The following MAK variants were observed in gnomAD, a reference collection of about 807,000 sequenced individuals.
The protein encoded by MAK is male germ cell associated kinase.
Under a neutral mutation model 82.6 loss-of-function variants are expected in MAK, and 65 were observed. The observed-to-expected ratio is 0.79, with a 90% confidence interval of 0.64 to 0.97. The LOEUF (loss-of-function observed/expected upper bound fraction) is 0.97, where lower values mean the gene tolerates loss of function less well. Ranked by LOEUF, MAK falls within the 50% of genes least tolerant of loss-of-function variation. MAK has a pLI of 0.00. For synonymous variants in MAK, 250 were observed against 274.2 expected (o/e 0.91, Z 0.87); for missense variants, 703 against 780.2 (o/e 0.90, Z 1.18).
intron 8 of MAK, chr6:10,797,550 T>C (rs1455898454): frequency 1.1e-5 from 11 of 976,680 alleles, no homozygotes; most frequent in Non-Finnish European, 1.2e-5. Context: ...CGAAAAAATA[T>C]TCTACAGAAT....
At chr6:10,815,859 A>C (rs1193353714) in intron 4 of MAK, among the ~76,000 whole-genome samples, 2 of 148,532 alleles carry the variant, frequency 1.3e-5, no homozygotes, top group African/African-American at 2.5e-5. Flanking sequence ...ACATTTCAGG[A>C]CTTCAATAGC....
intron 12 of MAK, among the ~76,000 whole-genome samples, chr6:10,773,769 G>A (rs898017759): frequency 2.7e-5 from 4 of 147,292 alleles, no homozygotes; most frequent in African/African-American, 1.0e-4. Flanking sequence ...TCGGCTCACT[G>A]CAACCTCCAC....
At chr6:10,798,315 A>G (rs972933986) in intron 8 of MAK, among the ~76,000 whole-genome samples, 5 of 151,914 alleles carry the variant, frequency 3.3e-5, no homozygotes, top group Admixed American at 6.6e-5. Flanking sequence ...GGGTTTCACC[A>G]TGTTGGTCAG....
intron 4 of MAK, among the ~76,000 whole-genome samples, chr6:10,817,189 AAATTATTTCT>A (rs1334900369): frequency 6.6e-6 from 1 of 151,912 alleles, no homozygotes; most frequent in African/African-American, 2.4e-5. Flanking sequence ...TTACTTCGGA[AAATTATTTCT>A]AAGTATTTCA....
intron 5 of MAK, among the ~76,000 whole-genome samples, chr6:10,813,255 T>A (rs1453236862): frequency 7.0e-6 from 1 of 143,098 alleles, no homozygotes; most frequent in Non-Finnish European, 1.5e-5. Context: ...TTCAAGCAAT[T>A]CTCCTGCCTC....
intron 14 of MAK, among the ~76,000 whole-genome samples, chr6:10,765,440 ATTTTTTTTTTTTTTTTTTT>A (rs200536068): frequency 0.029 from 3,726 of 130,568 alleles, 188 homozygotes; most frequent in African/African-American, 0.1. Context: ...TAGAATGAAG[ATTTTTTTTTTTTTTTTTTT>A]TTTTTTTTTT....
chr6:10,773,242 T>C (rs2127516174), intron 12 of MAK, 134 bp from the exon 13 acceptor site: 1 of 519,222 alleles, frequency 1.9e-6, no homozygotes, highest in Non-Finnish European at 3.4e-6. Flanking sequence ...GTCCCCATTG[T>C]TGTCACAGCA....
chr6:10,784,662 T>TCGCCCACCCACTGCACATCG, intron 10 of MAK, 90 bp from the exon 11 acceptor site: 1 of 1,180,298 alleles, frequency 8.5e-7, no homozygotes, highest in African/African-American at 1.5e-5. Context: ...TCTGCACATC[T>TCGCCCACCCACTGCACATCG]TCCTAAGCCA....
Position 10,802,053 on chromosome 6 carries a change from A to C in MAK, c.670T>G (p.Trp224Gly), listed in dbSNP as rs1776055416. The C allele has an allele frequency of 6.2e-7, 1 of 1,613,936 alleles. No homozygotes were observed. The highest frequency in any genetic ancestry group is 2.2e-5 in the East Asian group (1 of 44,880). Residue 224 changes from tryptophan to glycine, a missense_variant, in exon 8 of 15, where the codon TGG becomes GGG. Coordinates refer to ENST00000354489, the MANE Select transcript of MAK (RefSeq NM_001242957.3). The stretch of plus-strand genomic sequence containing the variant: ...GATGCCAGCTGGTATCCTTCTGGCC[A>C]GTCACTCTGTTTCAGGAATATATAA... Reference protein sequence around the residue: ...QVLGTPKKSDWPEGYQLASSM... With the variant: ...QVLGTPKKSDGPEGYQLASSM...
intron 11 of MAK, among the ~76,000 whole-genome samples, chr6:10,783,223 A>G (rs1224604124): frequency 1.3e-5 from 2 of 152,214 alleles, no homozygotes; most frequent in Admixed American, 1.3e-4. Flanking sequence ...ATTATCTTTT[A>G]GATTAAATTG....
chr6:10,802,368 C>G, intron 7 of MAK: 1 of 302,702 alleles, frequency 3.3e-6, no homozygotes, highest in East Asian at 8.7e-5. Flanking sequence ...TGCAGTGGAG[C>G]AATCATGGCT....
Position 10,819,037 on chromosome 6 carries a change from G to T in MAK, c.102-97C>A, listed in dbSNP as rs1777718644. On this transcript the variant is annotated intron_variant, in intron 2 of 14. Coordinates refer to ENST00000354489, the MANE Select transcript of MAK (RefSeq NM_001242957.3). ...TCTTACTCCACTACTGGTTCACTTT[G>T]GGCGAGCTATCTTTCTCTGTCCTCA... 4.1e-6 allele frequency: 3 copies of T among 732,406 alleles called. No individual in the cohort carries two copies. The Admixed American group carries it at 6.0e-5, about 15-fold the overall frequency. The allele number at this position is 732,406 out of a possible 1,614,324, so 45.4% of individuals were successfully genotyped here.
At chr6:10,797,639 T>C in intron 8 of MAK, 1 of 985,410 alleles carries the variant, frequency 1.0e-6, no homozygotes, top group Non-Finnish European at 1.2e-6. Context: ...CTGGTCATTT[T>C]TGGGGGGATG....
intron 14 of MAK, among the ~76,000 whole-genome samples, chr6:10,765,680 G>C (rs1772365532): frequency 6.6e-6 from 1 of 151,890 alleles, no homozygotes; most frequent in African/African-American, 2.4e-5. Context: ...GGCTGGTCTG[G>C]AACTCCTGAC....
rs906454856 is a variant in MAK at position 10,833,510 on chromosome 6, T to A, written c.-229-2633A>T. ...GCCCTAGTTACTAAGGAGGCTGAGG[T>A]AGGAGAATCACTTGAACCTGGGAGG... On this transcript the variant is annotated intron_variant, in intron 1 of 14. Transcript: ENST00000354489. Among the ~76,000 whole-genome samples, 3 of 151,790 alleles carry A rather than the reference T, an allele frequency of 2.0e-5. No homozygotes were observed. The South Asian group carries it at 6.2e-4, about 32-fold the overall frequency.
At chr6:10,783,495 C>G (rs1183122315) in intron 11 of MAK, among the ~76,000 whole-genome samples, 1 of 152,190 alleles carries the variant, frequency 6.6e-6, no homozygotes. Context: ...CAAGTCAAAA[C>G]CTCAGATGCT....
intron 4 of MAK, among the ~76,000 whole-genome samples, chr6:10,814,897 C>T (rs750024664): frequency 5.9e-5 from 9 of 151,948 alleles, no homozygotes; most frequent in South Asian, 4.1e-4. Flanking sequence ...AATTAGCTGG[C>T]GTGATGGCAC....
chr6:10,813,379 G>C (rs987994208), intron 5 of MAK, among the ~76,000 whole-genome samples: 3 of 149,890 alleles, frequency 2.0e-5, no homozygotes, highest in Non-Finnish European at 4.4e-5. Flanking sequence ...TCTCAAACTC[G>C]TTTGACCTCA....
At chr6:10,814,310 A>G (rs1258455314) in intron 4 of MAK, among the ~76,000 whole-genome samples, 1 of 152,150 alleles carries the variant, frequency 6.6e-6, no homozygotes, top group African/African-American at 2.4e-5. Context: ...GAGCAAAGCA[A>G]GTTGAAAAAC....
Sources: allele counts gnomAD v4.1 joint callset (sites outside exome capture counted in the v4.1 genomes callset), GRCh38; gene constraint gnomAD v4.1.1; transcripts MANE v1.5; gene names NCBI Gene and HGNC (gene_info 2026-07-23, HGNC 2026-07-21).